YPEL2: variants seen among roughly 807,000 people sequenced by gnomAD.
The protein encoded by YPEL2 is yippee like 2, also known as protein yippee-like 2.
Under a neutral mutation model 19.1 loss-of-function variants are expected in YPEL2, and 2 were observed. The ratio of observed to expected loss-of-function variants is 0.10; its 90% CI spans 0.04 to 0.33. The LOEUF (loss-of-function observed/expected upper bound fraction) is 0.33. Ranked by LOEUF, YPEL2 falls within the 10% of genes least tolerant of loss-of-function variation. YPEL2 has a pLI of 1.00. For synonymous variants in YPEL2, 52 were observed against 50.0 expected (o/e 1.04, Z -0.17); for missense variants, 66 against 140.7 (o/e 0.47, Z 2.68).
chr17:59,364,881 C>T lies in YPEL2; in HGVS notation c.117+11355C>T, dbSNP rs188015123. Among the ~76,000 whole-genome samples, 417 of 152,300 alleles carry T rather than the reference C, an allele frequency of 2.7e-3. 2 individuals carry two copies. Among genetic ancestry groups the T allele is most frequent in the African/African-American group, 9.6e-3 (401 of 41,564 alleles). On this transcript the variant is annotated intron_variant, in intron 2 of 4. Coordinates refer to ENST00000312655, the MANE Select transcript of YPEL2 (RefSeq NM_001005404.4). Reference sequence around the variant, plus strand: ...TCCTGACCTCAGGTGATCCACTGGCCTCGGCCTCCCAAAGTGCTGGGATTA... The same window carrying T: ...TCCTGACCTCAGGTGATCCACTGGCTTCGGCCTCCCAAAGTGCTGGGATTA...
At position 59,388,317 on chromosome 17, in the gene YPEL2, T is replaced by C; in HGVS notation, c.118-10T>C. On this transcript the variant is annotated splice_polypyrimidine_tract_variant and intron_variant, in intron 2 of 4. Coordinates refer to ENST00000312655, the MANE Select transcript of YPEL2 (RefSeq NM_001005404.4). ...ATGTCTAACTATCGATTTGTTTTCT[T>C]GCATTTCAGTCATTCCAAGGAAGTC... 6.2e-7 allele frequency: 1 copy of C among 1,614,152 alleles called. No individual in the cohort carries two copies. Among genetic ancestry groups the C allele is most frequent in the Non-Finnish European group, 8.5e-7 (1 of 1,179,992 alleles).
chr17:59,371,784 T>C (rs190632874), intron 2 of YPEL2, among the ~76,000 whole-genome samples: 14 of 152,376 alleles, frequency 9.2e-5, no homozygotes, highest in African/African-American at 2.6e-4. Context: ...TCAATATCTT[T>C]AGTAACAAAT....
intron 2 of YPEL2, among the ~76,000 whole-genome samples, chr17:59,365,179 G>C (rs2047862159): frequency 6.6e-6 from 1 of 152,204 alleles, no homozygotes; most frequent in African/African-American, 2.4e-5. Context: ...CTTGCTTGTT[G>C]CCCTTGTTTT....
chr17:59,350,881 G>C (rs554169406), intron 1 of YPEL2, among the ~76,000 whole-genome samples: 1 of 152,288 alleles, frequency 6.6e-6, no homozygotes, highest in African/African-American at 2.4e-5. Context: ...TCTCCCCTCT[G>C]TGTTTGTGTA....
At chr17:59,369,119 G>C (rs951600560) in intron 2 of YPEL2, among the ~76,000 whole-genome samples, 3 of 151,948 alleles carry the variant, frequency 2.0e-5, no homozygotes, top group Admixed American at 6.6e-5. Flanking sequence ...CTTGAGTAAG[G>C]CTCCCCAAAT....
intron 2 of YPEL2, among the ~76,000 whole-genome samples, chr17:59,384,136 A>C (rs2047968606): frequency 6.6e-6 from 1 of 152,178 alleles, no homozygotes; most frequent in Admixed American, 6.5e-5. Flanking sequence ...AAGAACAAAA[A>C]TTTAACCATT....
intron 2 of YPEL2, among the ~76,000 whole-genome samples, chr17:59,360,091 T>C (rs2047832993): frequency 6.6e-6 from 1 of 152,146 alleles, no homozygotes; most frequent in African/African-American, 2.4e-5. Flanking sequence ...TTATTTATTT[T>C]TTTGAGACGG....
chr17:59,347,688 T>A (rs1469255442), intron 1 of YPEL2, among the ~76,000 whole-genome samples: 1 of 152,202 alleles, frequency 6.6e-6, no homozygotes, highest in Non-Finnish European at 1.5e-5. Context: ...CCAATATTAT[T>A]GCCGCCTTGT....
chr17:59,341,592 C>G lies in YPEL2; in HGVS notation c.-196+9768C>G, dbSNP rs1011918553. On this transcript the variant is annotated intron_variant, in intron 1 of 4. Coordinates refer to ENST00000312655, the MANE Select transcript of YPEL2 (RefSeq NM_001005404.4). ...GAGAATTGCTTGAACCTGGGAGGCGCAGGTTGCAGTGAGCCAGATTGTGCC... is the reference window on the plus strand; with the variant it reads ...GAGAATTGCTTGAACCTGGGAGGCGGAGGTTGCAGTGAGCCAGATTGTGCC... Among the ~76,000 whole-genome samples, 11 of 151,890 alleles carry G rather than the reference C, an allele frequency of 7.2e-5. 1 individual carries two copies. The South Asian group carries it at 2.3e-3, about 32-fold the overall frequency.
intron 2 of YPEL2, among the ~76,000 whole-genome samples, chr17:59,369,390 G>A (rs2047885857): frequency 6.6e-6 from 1 of 152,220 alleles, no homozygotes; most frequent in African/African-American, 2.4e-5. Context: ...AAGGCAGATT[G>A]CCAGACCCCA....
intron 4 of YPEL2, among the ~76,000 whole-genome samples, chr17:59,396,633 C>T (rs1306140342): frequency 6.6e-6 from 1 of 152,180 alleles, no homozygotes. Flanking sequence ...GGACATAAAG[C>T]GCTTGAGGGG....
rs1482374995 is a variant in YPEL2 at position 59,331,694 on chromosome 17, C to G, written c.-326C>G. ...ACCCGGAGGGATGCGGAGTGGCGGC[C>G]GCGGCGGTGGCGGAGACTGTGGCTT... On this transcript the variant is annotated 5_prime_UTR_variant, in exon 1 of 5. Coordinates refer to ENST00000312655, the MANE Select transcript of YPEL2 (RefSeq NM_001005404.4). The G allele has an allele frequency of 6.5e-6, 1 of 153,654 alleles. No individual in the cohort carries two copies. The highest frequency in any genetic ancestry group is 1.4e-5 in the Non-Finnish European group (1 of 69,262). 9.5% of individuals were successfully genotyped at this position (153,654 alleles called of 1,614,324 possible).
intron 4 of YPEL2, among the ~76,000 whole-genome samples, chr17:59,392,051 G>A (rs756855381): frequency 6.6e-6 from 1 of 152,166 alleles, no homozygotes; most frequent in Non-Finnish European, 1.5e-5. Flanking sequence ...GCCCCCTCTG[G>A]GTGATGATGG....
chr17:59,371,797 G>A (rs981117255), intron 2 of YPEL2, among the ~76,000 whole-genome samples: 1 of 152,222 alleles, frequency 6.6e-6, no homozygotes, highest in African/African-American at 2.4e-5. Context: ...TAACAAATGA[G>A]ATTACTGCCT....
At chr17:59,374,014 G>A (rs2047908791) in intron 2 of YPEL2, among the ~76,000 whole-genome samples, 1 of 152,190 alleles carries the variant, frequency 6.6e-6, no homozygotes, top group Non-Finnish European at 1.5e-5. Flanking sequence ...AATATGCGAG[G>A]CATCTATTCT....
chr17:59,336,747 G>C (rs1388018381), intron 1 of YPEL2, among the ~76,000 whole-genome samples: 1 of 152,170 alleles, frequency 6.6e-6, no homozygotes, highest in African/African-American at 2.4e-5. Flanking sequence ...CCATTGATTT[G>C]GGAGTGGACA....
chr17:59,382,394 T>A (rs959842244), intron 2 of YPEL2, among the ~76,000 whole-genome samples: 20 of 152,124 alleles, frequency 1.3e-4, no homozygotes, highest in African/African-American at 4.8e-4. Context: ...CGCCTCTCTC[T>A]AGGAATTCTA....
At chr17:59,364,019 G>A (rs1012500581) in intron 2 of YPEL2, among the ~76,000 whole-genome samples, 6 of 152,054 alleles carry the variant, frequency 3.9e-5, no homozygotes, top group African/African-American at 1.4e-4. Flanking sequence ...CTGAATGTCT[G>A]TAGAACTCAC....
chr17:59,339,419 C>G (rs1409123375), intron 1 of YPEL2, among the ~76,000 whole-genome samples: 1 of 152,170 alleles, frequency 6.6e-6, no homozygotes, highest in Admixed American at 6.5e-5. Flanking sequence ...GAGCTGAAAA[C>G]TCCCTTTTTC....
Sources: allele counts gnomAD v4.1 joint callset (sites outside exome capture counted in the v4.1 genomes callset), GRCh38; gene constraint gnomAD v4.1.1; transcripts MANE v1.5; gene names NCBI Gene and HGNC (gene_info 2026-07-23, HGNC 2026-07-21).